Variants in RIMS2 observed in about 807,000 individuals in gnomAD.
RIMS2 encodes the protein regulating synaptic membrane exocytosis 2.
A neutral mutation model predicts 174.4 loss-of-function variants in RIMS2; 59 were observed. The observed-to-expected ratio is 0.34, with a 90% CI of 0.27 to 0.42. The LOEUF (loss-of-function observed/expected upper bound fraction) is 0.42. Among genes scored for constraint, RIMS2 ranks in the 10% least tolerant of loss-of-function variants. The pLI is 1.00. For synonymous variants in RIMS2, 606 were observed against 572.5 expected (o/e 1.06, Z -0.84); for missense variants, 1,620 against 1,666.3 (o/e 0.97, Z 0.48).
chr8:104,197,390 TGGC>T (rs200610742), intron 19 of RIMS2, among the ~76,000 whole-genome samples: 2,919 of 152,220 alleles, frequency 0.019, 39 homozygotes, highest in Middle Eastern at 0.031. Context: ...TTGGCCAGGC[TGGC>T]CTTGAACCCC....
At chr8:104,219,309 G>A (rs938727186) in intron 19 of RIMS2, among the ~76,000 whole-genome samples, 1 of 152,090 alleles carries the variant, frequency 6.6e-6, no homozygotes, top group Admixed American at 6.6e-5. Context: ...AAGTATATGT[G>A]GTATAAGATA....
intron 3 of RIMS2, among the ~76,000 whole-genome samples, chr8:103,842,597 A>T (rs930531024): frequency 6.6e-6 from 1 of 152,170 alleles, no homozygotes; most frequent in African/African-American, 2.4e-5. Flanking sequence ...AAATGTACCA[A>T]CTTTTCTAAG....
intron 19 of RIMS2, among the ~76,000 whole-genome samples, chr8:104,159,505 T>G (rs2098747492): frequency 6.6e-6 from 1 of 152,206 alleles, no homozygotes; most frequent in Admixed American, 6.5e-5. Context: ...CTGGTTTTCA[T>G]AGCAGCTGTA....
chr8:104,046,220 CT>C (rs1351552643), intron 19 of RIMS2, among the ~76,000 whole-genome samples: 2 of 151,954 alleles, frequency 1.3e-5, no homozygotes, highest in Non-Finnish European at 2.9e-5. Flanking sequence ...GGACCACCAT[CT>C]TTTTTTCCCT....
chr8:104,087,836 C>T (rs2097563564), intron 19 of RIMS2, among the ~76,000 whole-genome samples: 1 of 152,098 alleles, frequency 6.6e-6, no homozygotes, highest in Admixed American at 6.6e-5. Flanking sequence ...ATGTCCTAGA[C>T]TCCTTTCCAG....
intron 1 of RIMS2, among the ~76,000 whole-genome samples, chr8:103,510,640 A>G (rs1563582104): frequency 6.6e-6 from 1 of 152,094 alleles, no homozygotes; most frequent in Non-Finnish European, 1.5e-5. Context: ...CTGAACAAGC[A>G]GTGGGGCATT....
At chr8:103,886,069 A>G (rs776858070) in exon 4 of RIMS2, 50 of 1,613,022 alleles carry the variant, frequency 3.1e-5, no homozygotes, top group South Asian at 3.3e-5. Flanking sequence ...AGTCAGAGTC[A>G]GTGAGACCTC....
chr8:104,108,338 G>T (rs1272547705), intron 19 of RIMS2, among the ~76,000 whole-genome samples: 1 of 151,822 alleles, frequency 6.6e-6, no homozygotes, highest in Admixed American at 6.6e-5. Context: ...ATTACTGCAT[G>T]CCATATGATA....
chr8:103,910,859 T>G (rs554703656), intron 5 of RIMS2, among the ~76,000 whole-genome samples: 1 of 152,232 alleles, frequency 6.6e-6, no homozygotes, highest in Non-Finnish European at 1.5e-5. Context: ...AAATAAGTTT[T>G]GGATTGGCTT....
chr8:103,944,275 A>G (rs564207549), intron 14 of RIMS2, among the ~76,000 whole-genome samples: 2 of 152,230 alleles, frequency 1.3e-5, no homozygotes, highest in Non-Finnish European at 1.5e-5. Context: ...TAATAATTAC[A>G]TTACAATGAA....
chr8:103,516,173 T>C (rs1425598164), intron 1 of RIMS2, among the ~76,000 whole-genome samples: 1 of 152,260 alleles, frequency 6.6e-6, no homozygotes. Flanking sequence ...AAAGTTAAAA[T>C]CTTGCTTTGT....
intron 3 of RIMS2, among the ~76,000 whole-genome samples, chr8:103,863,402 C>G (rs756794062): frequency 7.9e-5 from 12 of 151,736 alleles, no homozygotes; most frequent in Non-Finnish European, 1.8e-4. Context: ...AATATTGGCC[C>G]GAAGTTTTCT....
chr8:103,931,176 AAG>A, intron 11 of RIMS2, 85 bp from the exon 14 acceptor site: 1 of 980,378 alleles, frequency 1.0e-6, no homozygotes. Flanking sequence ...ATGTTATTGT[AAG>A]AGAATGGGGT....
chr8:104,155,216 C>T (rs1279348558), intron 19 of RIMS2, among the ~76,000 whole-genome samples: 4 of 151,876 alleles, frequency 2.6e-5, no homozygotes, highest in African/African-American at 9.7e-5. Context: ...ACGCCATTCT[C>T]CTGCCTCAGC....
chr8:103,708,115 A>T (rs994714240), intron 2 of RIMS2, among the ~76,000 whole-genome samples: 7 of 152,216 alleles, frequency 4.6e-5, no homozygotes, highest in Non-Finnish European at 1.0e-4. Flanking sequence ...CACTTGGAGT[A>T]AACAGCCTTC....
intron 2 of RIMS2, among the ~76,000 whole-genome samples, chr8:103,737,597 T>A (rs931714117): frequency 6.6e-6 from 1 of 152,186 alleles, no homozygotes; most frequent in South Asian, 2.1e-4. Context: ...CATTCTTACA[T>A]GCTTACTCAC....
At chr8:103,551,922 C>T (rs1848134352) in intron 1 of RIMS2, among the ~76,000 whole-genome samples, 1 of 152,104 alleles carries the variant, frequency 6.6e-6, no homozygotes, top group African/African-American at 2.4e-5. Context: ...TCAAAGAGAA[C>T]TACAAACCAC....
chr8:103,761,501 C>A (rs1332448215), intron 2 of RIMS2, among the ~76,000 whole-genome samples: 1 of 152,166 alleles, frequency 6.6e-6, no homozygotes, highest in East Asian at 1.9e-4. Context: ...ACCTTTTTTT[C>A]CTGTGGCTTC....
intron 4 of RIMS2, among the ~76,000 whole-genome samples, chr8:103,891,947 T>A (rs1323060248): frequency 1.3e-5 from 2 of 151,942 alleles, no homozygotes; most frequent in Non-Finnish European, 2.9e-5. Context: ...TGAGTTTAGA[T>A]GTTGTAAGTA....
Sources: allele counts gnomAD v4.1 joint callset (sites outside exome capture counted in the v4.1 genomes callset), GRCh38; gene constraint gnomAD v4.1.1; transcripts MANE v1.5; gene names NCBI Gene and HGNC (gene_info 2026-07-23, HGNC 2026-07-21).